The following SLIT3 variants were observed in gnomAD, a reference collection of about 807,000 sequenced individuals.
SLIT3 encodes slit guidance ligand 3.
A neutral mutation model predicts 184.0 loss-of-function variants in SLIT3; 68 were observed. That is an observed-to-expected ratio of 0.37 (90% confidence interval 0.30 to 0.45). The LOEUF is 0.45. Ranked by LOEUF, SLIT3 falls within the 20% of genes least tolerant of loss-of-function variation. SLIT3 has a pLI of 1.00. For synonymous variants in SLIT3, 831 were observed against 828.6 expected, an observed-to-expected ratio of 1.00 and a Z score of -0.05; for missense variants, 1,707 against 2,026.0, an observed-to-expected ratio of 0.84 and a Z score of 3.02.
At chr5:168,688,970 A>G (rs1761827802) in intron 29 of SLIT3, among the ~76,000 whole-genome samples, 1 of 152,252 alleles carries the variant, frequency 6.6e-6, no homozygotes, top group South Asian at 2.1e-4. Context: ...GATCTTTATT[A>G]AGAATTAGGG....
chr5:169,106,813 T>C (rs1760228733), intron 4 of SLIT3, among the ~76,000 whole-genome samples: 1 of 152,166 alleles, frequency 6.6e-6, no homozygotes, highest in East Asian at 1.9e-4. Context: ...CATCCTTATG[T>C]TGAACTTCAA....
At position 168,775,754 on chromosome 5, in the gene SLIT3, G is replaced by T. The variant is rs1335568515; in HGVS notation, c.1152-1376C>A. Among the ~76,000 whole-genome samples the T allele has an allele frequency of 3.3e-5, 5 of 152,150 alleles. No homozygotes were observed. In the East Asian group the frequency reaches 9.7e-4, roughly 30 times the overall value. On this transcript the variant is annotated intron_variant, in intron 12 of 35. Coordinates refer to ENST00000519560, the MANE Select transcript of SLIT3 (RefSeq NM_003062.4). ...GGCACCCATCCCTCACCCCTTCCAG[G>T]GTCAGCCTTCCTATCCATGAGGAAG...
At chr5:168,793,474 C>A (rs932010100) in intron 10 of SLIT3, among the ~76,000 whole-genome samples, 9 of 152,142 alleles carry the variant, frequency 5.9e-5, no homozygotes, top group African/African-American at 2.2e-4. Flanking sequence ...AGTGTGCTCT[C>A]TTCTCTATTG....
At chr5:168,800,093 C>T (rs1756710609) in intron 9 of SLIT3, among the ~76,000 whole-genome samples, 1 of 152,224 alleles carries the variant, frequency 6.6e-6, no homozygotes, top group Admixed American at 6.5e-5. Flanking sequence ...CATGTTTATT[C>T]TTCCTTTAAG....
intron 3 of SLIT3, among the ~76,000 whole-genome samples, chr5:169,208,648 G>A (rs1207106522): frequency 1.3e-5 from 2 of 152,172 alleles, no homozygotes; most frequent in South Asian, 4.1e-4. Flanking sequence ...ACAACCATCT[G>A]AACGTTGACA....
chr5:169,229,852 A>G (rs1479551484), intron 3 of SLIT3, among the ~76,000 whole-genome samples: 1 of 152,176 alleles, frequency 6.6e-6, no homozygotes, highest in African/African-American at 2.4e-5. Context: ...GAACCTGAGC[A>G]TAGGCACCCA....
chr5:168,868,442 A>C (rs1029085509), intron 5 of SLIT3, among the ~76,000 whole-genome samples: 4 of 152,104 alleles, frequency 2.6e-5, no homozygotes, highest in Non-Finnish European at 5.9e-5. Flanking sequence ...AGGTTCATTT[A>C]ACTTTCACGT....
At chr5:169,056,007 CAA>C (rs1757990107) in intron 4 of SLIT3, among the ~76,000 whole-genome samples, 1 of 152,114 alleles carries the variant, frequency 6.6e-6, no homozygotes. Context: ...CTTTGGTTCT[CAA>C]AAGACCACCC....
At chr5:169,031,223 T>C (rs1450647614) in intron 4 of SLIT3, among the ~76,000 whole-genome samples, 1 of 152,194 alleles carries the variant, frequency 6.6e-6, no homozygotes, top group Non-Finnish European at 1.5e-5. Flanking sequence ...CACTTTGTCC[T>C]CAGAGTAGGA....
chr5:168,736,281 A>G (rs996706559), intron 20 of SLIT3, among the ~76,000 whole-genome samples: 1 of 152,118 alleles, frequency 6.6e-6, no homozygotes, highest in East Asian at 1.9e-4. Flanking sequence ...TCACTGTCCA[A>G]TAGTGTGGAG....
chr5:168,961,858 A>ATGTG (rs35895529), intron 4 of SLIT3, among the ~76,000 whole-genome samples: 5,600 of 148,460 alleles, frequency 0.038, 269 homozygotes, highest in African/African-American at 0.11. Context: ...GCATGCACGC[A>ATGTG]TGTGTGTGTG....
At position 169,154,105 on chromosome 5, in the gene SLIT3, T is replaced by C. The variant is rs547898241; in HGVS notation, c.413+39374A>G. ...CTCCTGCCTCAGCCTCCTGAGTAGCTGGGACTACAGGCACCCACCACCAAG... is the reference window on the plus strand; with the variant it reads ...CTCCTGCCTCAGCCTCCTGAGTAGCCGGGACTACAGGCACCCACCACCAAG... On this transcript the variant is annotated intron_variant, in intron 4 of 35. Coordinates refer to ENST00000519560, the MANE Select transcript of SLIT3 (RefSeq NM_003062.4). 2.0e-5 allele frequency among the ~76,000 whole-genome samples: 3 copies of C among 152,090 alleles called. No individual in the cohort carries two copies. In the South Asian group the frequency reaches 6.3e-4, roughly 32 times the overall value.
chr5:169,148,328 C>T (rs1286543043), intron 4 of SLIT3, among the ~76,000 whole-genome samples: 1 of 152,170 alleles, frequency 6.6e-6, no homozygotes, highest in South Asian at 2.1e-4. Context: ...TGGGCTGCTG[C>T]TCAGAGCTCT....
At chr5:168,786,071 G>T (rs1012262562) in intron 11 of SLIT3, 93 bp from the exon 12 acceptor site, 3 of 837,618 alleles carry the variant, frequency 3.6e-6, no homozygotes, top group African/African-American at 3.3e-5. Context: ...CCAGTTCTGG[G>T]TATGAGATCT....
At chr5:169,013,457 G>A (rs1032621393) in intron 4 of SLIT3, 6 of 152,346 alleles carry the variant, frequency 3.9e-5, no homozygotes, top group African/African-American at 1.4e-4. Context: ...GGAGCAAAAT[G>A]GGACAGCTCT....
At chr5:168,742,664 A>G (rs1480775551) in intron 20 of SLIT3, among the ~76,000 whole-genome samples, 1 of 135,598 alleles carries the variant, frequency 7.4e-6, no homozygotes, top group African/African-American at 2.9e-5. Context: ...GTGCTTCTGA[A>G]CCACTGGCAT....
intron 5 of SLIT3, among the ~76,000 whole-genome samples, chr5:168,862,659 T>TG (rs1015965415): frequency 1.3e-5 from 2 of 149,492 alleles, no homozygotes; most frequent in African/African-American, 5.1e-5. Flanking sequence ...ACATTGGTTT[T>TG]TTTGTTTGTT....
intron 9 of SLIT3, among the ~76,000 whole-genome samples, chr5:168,800,312 G>A (rs934316180): frequency 1.3e-5 from 2 of 152,192 alleles, no homozygotes; most frequent in South Asian, 2.1e-4. Flanking sequence ...TTGGCTGGGC[G>A]CAGTGGCTCA....
chr5:169,195,673 C>T (rs372047647), intron 3 of SLIT3, among the ~76,000 whole-genome samples: 1 of 152,244 alleles, frequency 6.6e-6, no homozygotes, highest in South Asian at 2.1e-4. Flanking sequence ...ATTACAGGTA[C>T]ACACCACCAT....
Sources: allele counts gnomAD v4.1 joint callset (sites outside exome capture counted in the v4.1 genomes callset), GRCh38; gene constraint gnomAD v4.1.1; transcripts MANE v1.5; gene names NCBI Gene and HGNC (gene_info 2026-07-23, HGNC 2026-07-21).